Variants in GLRA3 observed in about 807,000 individuals in gnomAD.
GLRA3 encodes the protein glycine receptor subunit alpha-3.
Under a neutral mutation model 60.4 loss-of-function variants are expected in GLRA3, and 44 were observed. The ratio of observed to expected loss-of-function variants is 0.73; its 90% CI spans 0.57 to 0.94. GLRA3 has a LOEUF of 0.94. Among genes scored for constraint, GLRA3 ranks in the 40% least tolerant of loss-of-function variants. The pLI, the probability that GLRA3 is intolerant of heterozygous loss-of-function variation, is 0.00. For missense variants in GLRA3, 508 were observed against 564.6 expected (o/e 0.90, Z 1.02); for synonymous variants, 223 against 192.9 (o/e 1.16, Z -1.29).
At chr4:174,712,451 G>C (rs534644736) in intron 5 of GLRA3, 15 of 152,120 alleles carry the variant, frequency 9.9e-5, no homozygotes, top group African/African-American at 3.6e-4. Context: ...TTAGGTATTT[G>C]ATAAATATTT....
rs917141908 is a variant in GLRA3 at position 174,642,661 on chromosome 4, A to G, written c.*1125T>C. The stretch of plus-strand genomic sequence containing the variant: ...TGCGAATGGCTTAGATTTTGAAATC[A>G]TTAATTCAGAAATAGAAAAAGAGTC... On this transcript the variant is annotated 3_prime_UTR_variant, in exon 10 of 10. Transcript: ENST00000274093. The G allele has an allele frequency of 2.4e-5, 19 of 779,622 alleles. No individual in the cohort carries two copies. The highest frequency in any genetic ancestry group is 1.3e-4 in the Admixed American group (2 of 15,964). 48.3% of individuals were successfully genotyped at this position (779,622 alleles called of 1,614,324 possible).
intron 5 of GLRA3, among the ~76,000 whole-genome samples, chr4:174,709,560 C>T (rs1735633330): frequency 6.6e-6 from 1 of 151,920 alleles, no homozygotes; most frequent in Non-Finnish European, 1.5e-5. Flanking sequence ...TACCTAAAAG[C>T]AAACATTTAT....
chr4:174,749,234 A>G (rs925043668), intron 3 of GLRA3, among the ~76,000 whole-genome samples: 1 of 152,138 alleles, frequency 6.6e-6, no homozygotes, highest in African/African-American at 2.4e-5. Context: ...CTTTGCTTAC[A>G]AGCCAAATCT....
chr4:174,689,131 CAATT>C (rs1435630970), intron 5 of GLRA3, among the ~76,000 whole-genome samples: 1 of 151,984 alleles, frequency 6.6e-6, no homozygotes, highest in East Asian at 1.9e-4. Context: ...TTTTATAAAA[CAATT>C]AAATATAGCT....
chr4:174,685,764 G>A lies in GLRA3; in HGVS notation c.575-2825C>T, dbSNP rs567575696. Among the ~76,000 whole-genome samples, 4 of 151,744 alleles carry A rather than the reference G, an allele frequency of 2.6e-5. 1 individual carries two copies. In the South Asian group the frequency reaches 8.4e-4, roughly 32 times the overall value. Reference sequence around the variant, plus strand: ...AGATGCACATTTCTCAATGATTTAAGGATAGCAAAATAGGCACCAATTCTA... The same window carrying A: ...AGATGCACATTTCTCAATGATTTAAAGATAGCAAAATAGGCACCAATTCTA... On this transcript the variant is annotated intron_variant, in intron 5 of 9. Coordinates refer to ENST00000274093, the MANE Select transcript of GLRA3 (RefSeq NM_006529.4).
At chr4:174,666,294 C>T (rs1348365174) in intron 7 of GLRA3, among the ~76,000 whole-genome samples, 2 of 152,038 alleles carry the variant, frequency 1.3e-5, no homozygotes, top group Non-Finnish European at 2.9e-5. Flanking sequence ...TAAAATCTGA[C>T]AGTCAACTTC....
chr4:174,777,694 T>C (rs948291104), intron 2 of GLRA3, among the ~76,000 whole-genome samples: 1 of 152,216 alleles, frequency 6.6e-6, no homozygotes, highest in Admixed American at 6.5e-5. Context: ...TGAACTCTAA[T>C]GTAAATTATG....
chr4:174,718,794 G>A (rs910241378), intron 4 of GLRA3, among the ~76,000 whole-genome samples: 10 of 152,036 alleles, frequency 6.6e-5, no homozygotes, highest in Non-Finnish European at 1.2e-4. Flanking sequence ...CTTTGTGTAT[G>A]TTAACTCATT....
intron 3 of GLRA3, among the ~76,000 whole-genome samples, chr4:174,741,708 T>C (rs1371606907): frequency 6.6e-6 from 1 of 152,176 alleles, no homozygotes; most frequent in African/African-American, 2.4e-5. Flanking sequence ...CTTCTAATCA[T>C]TTTATAATTT....
At position 174,671,657 on chromosome 4, in the gene GLRA3, A is replaced by C. The variant is rs370034807; in HGVS notation, c.927+5421T>G. 3.3e-5 allele frequency among the ~76,000 whole-genome samples: 5 copies of C among 152,108 alleles called. No homozygotes were observed. The South Asian group carries it at 6.2e-4, about 19-fold the overall frequency. On this transcript the variant is annotated intron_variant, in intron 7 of 9. Coordinates refer to ENST00000274093, the MANE Select transcript of GLRA3 (RefSeq NM_006529.4). Reference sequence around the variant, plus strand: ...ATCCTCATTATTTTTCTTATTTTTTATTATTTTTTTGAGACAGAGTCTCAT... The same window carrying C: ...ATCCTCATTATTTTTCTTATTTTTTCTTATTTTTTTGAGACAGAGTCTCAT...
intron 1 of GLRA3, among the ~76,000 whole-genome samples, chr4:174,800,143 A>ATTTCG (rs1739749246): frequency 6.6e-6 from 1 of 152,106 alleles, no homozygotes. Context: ...AAAGCAAACC[A>ATTTCG]GAAGAAAATG....
At chr4:174,732,332 C>T (rs192682090) in intron 3 of GLRA3, among the ~76,000 whole-genome samples, 6 of 146,076 alleles carry the variant, frequency 4.1e-5, no homozygotes, top group African/African-American at 7.6e-5. Flanking sequence ...TCCAGCCTGG[C>T]GACAGAGCGA....
chr4:174,828,360 A>G (rs1741062760), intron 1 of GLRA3, among the ~76,000 whole-genome samples: 1 of 152,230 alleles, frequency 6.6e-6, no homozygotes, highest in Non-Finnish European at 1.5e-5. Context: ...TAAAAAAAGT[A>G]ATGTCTCGTT....
intron 3 of GLRA3, among the ~76,000 whole-genome samples, chr4:174,733,407 C>G (rs181202422): frequency 6.6e-6 from 1 of 152,102 alleles, no homozygotes; most frequent in Non-Finnish European, 1.5e-5. Flanking sequence ...CTTAAAAAAT[C>G]CTTCTGGCTG....
chr4:174,776,566 G>C (rs937924426), intron 2 of GLRA3, among the ~76,000 whole-genome samples: 1 of 152,072 alleles, frequency 6.6e-6, no homozygotes, highest in East Asian at 1.9e-4. Flanking sequence ...AAGGAATCTC[G>C]TAATGCCTGT....
At chr4:174,811,055 T>C (rs970986395) in intron 1 of GLRA3, among the ~76,000 whole-genome samples, 1 of 152,054 alleles carries the variant, frequency 6.6e-6, no homozygotes, top group Non-Finnish European at 1.5e-5. Context: ...CAGTTTGTTT[T>C]TGAAACTGTT....
In GLRA3 at chr4:174,734,598, A is replaced by G. The variant is rs147514345; in HGVS notation, c.268-5900T>C. On this transcript the variant is annotated intron_variant, in intron 3 of 9. Transcript: ENST00000274093. Reference sequence around the variant, plus strand: ...TTCTCCTAGAAAAAAGAAGATTTTAAAATTCCAAAATTTTTTTAAAAAGCA... The same window carrying G: ...TTCTCCTAGAAAAAAGAAGATTTTAGAATTCCAAAATTTTTTTAAAAAGCA... Among the ~76,000 whole-genome samples the G allele has an allele frequency of 5.3e-3, 809 of 152,334 alleles. 6 individuals carry two copies. Among genetic ancestry groups the G allele is most frequent in the African/African-American group, 0.018 (741 of 41,574 alleles).
At chr4:174,810,859 T>A (rs1415548346) in intron 1 of GLRA3, among the ~76,000 whole-genome samples, 3 of 152,188 alleles carry the variant, frequency 2.0e-5, no homozygotes, top group Admixed American at 6.6e-5. Flanking sequence ...AATATTACTT[T>A]CCTTTGTCAA....
At chr4:174,708,870 TA>T (rs1480770950) in intron 5 of GLRA3, among the ~76,000 whole-genome samples, 1 of 151,184 alleles carries the variant, frequency 6.6e-6, no homozygotes, top group African/African-American at 2.4e-5. Flanking sequence ...CCTTTTAATG[TA>T]AATAAAAAAC....
Sources: allele counts gnomAD v4.1 joint callset (sites outside exome capture counted in the v4.1 genomes callset), GRCh38; gene constraint gnomAD v4.1.1; transcripts MANE v1.5; gene names NCBI Gene and HGNC (gene_info 2026-07-23, HGNC 2026-07-21).